CNTNAP4: variants seen among roughly 807,000 people sequenced by gnomAD.
The protein encoded by CNTNAP4 is contactin associated protein family member 4.
CNTNAP4 carries 98 observed loss-of-function variants against 148.4 expected under a neutral mutation model. That is an observed-to-expected ratio of 0.66 (90% confidence interval 0.56 to 0.78). The LOEUF is 0.78. Among genes scored for constraint, CNTNAP4 ranks in the 30% least tolerant of loss-of-function variants. The pLI is 0.00. For synonymous variants in CNTNAP4, 730 were observed against 565.1 expected, an observed-to-expected ratio of 1.29 and a Z score of -4.14; for missense variants, 1,935 against 1,565.6, an observed-to-expected ratio of 1.24 and a Z score of -3.98.
intron 3 of CNTNAP4, among the ~76,000 whole-genome samples, chr16:76,400,798 C>G (rs1396165759): frequency 6.6e-6 from 1 of 152,094 alleles, no homozygotes; most frequent in Non-Finnish European, 1.5e-5. Flanking sequence ...AATAAGGGGT[C>G]CTTTCCACGT....
chr16:76,518,872 G>T (rs2083352134), intron 15 of CNTNAP4, among the ~76,000 whole-genome samples: 1 of 151,860 alleles, frequency 6.6e-6, no homozygotes, highest in African/African-American at 2.4e-5. Context: ...CCTGCCTCTG[G>T]TTACTATCAT....
intron 14 of CNTNAP4, among the ~76,000 whole-genome samples, chr16:76,496,107 G>GTGTGTGTGTATGTGTGTA (rs1555576715): frequency 6.6e-6 from 1 of 151,084 alleles, no homozygotes; most frequent in Admixed American, 6.6e-5. Flanking sequence ...GTGTGTGTGT[G>GTGTGTGTGTATGTGTGTA]CGTGTATTTC....
chr16:76,503,124 C>T lies in CNTNAP4; in HGVS notation c.2365+4430C>T, dbSNP rs2082715498. Among the ~76,000 whole-genome samples the T allele has an allele frequency of 2.0e-5, 3 of 152,284 alleles. No individual in the cohort carries two copies. In the South Asian group the frequency reaches 6.2e-4, roughly 32 times the overall value. ...AGAACTTCCTCCATGGCATAAAGGA[C>T]ATCTGTGAAAATCTGATAGCTAATG... On this transcript the variant is annotated intron_variant, in intron 15 of 23. Coordinates refer to ENST00000611870, the MANE Select transcript of CNTNAP4 (RefSeq NM_033401.5).
chr16:76,502,068 C>T (rs76391604), intron 15 of CNTNAP4, among the ~76,000 whole-genome samples: 2 of 134,906 alleles, frequency 1.5e-5, no homozygotes, highest in African/African-American at 2.8e-5. Flanking sequence ...GACTCCGTCT[C>T]AAAAAAAAAA....
intron 3 of CNTNAP4, among the ~76,000 whole-genome samples, chr16:76,373,431 C>A (rs578253791): frequency 6.6e-6 from 1 of 152,290 alleles, no homozygotes; most frequent in East Asian, 1.9e-4. Flanking sequence ...AGTCATACCT[C>A]TAAATTGGCC....
At chr16:76,426,370 C>T (rs546679033) in intron 3 of CNTNAP4, among the ~76,000 whole-genome samples, 18 of 152,124 alleles carry the variant, frequency 1.2e-4, no homozygotes, top group African/African-American at 4.3e-4. Context: ...TTTGTTGACC[C>T]AGTCATAGGC....
At chr16:76,484,602 G>A (rs1255480754) in intron 12 of CNTNAP4, among the ~76,000 whole-genome samples, 1 of 152,082 alleles carries the variant, frequency 6.6e-6, no homozygotes, top group African/African-American at 2.4e-5. Flanking sequence ...AGTGTAGGAG[G>A]TATAGCTTGA....
At chr16:76,491,056 A>T (rs1568382115) in intron 13 of CNTNAP4, among the ~76,000 whole-genome samples, 1 of 152,094 alleles carries the variant, frequency 6.6e-6, no homozygotes, top group Non-Finnish European at 1.5e-5. Context: ...ATTTCCGATT[A>T]AGTCTCTCTC....
intron 3 of CNTNAP4, among the ~76,000 whole-genome samples, chr16:76,426,539 A>C (rs951394739): frequency 8.5e-5 from 13 of 152,234 alleles, no homozygotes; most frequent in African/African-American, 2.4e-4. Flanking sequence ...TGACTTCTCC[A>C]CCTGTAGTCT....
chr16:76,295,674 G>A (rs1006736255), intron 1 of CNTNAP4, among the ~76,000 whole-genome samples: 6 of 152,090 alleles, frequency 3.9e-5, no homozygotes, highest in Admixed American at 6.5e-5. Flanking sequence ...CATGGCTGTC[G>A]GAAAGTAGTG....
In CNTNAP4 at chr16:76,506,615, C is replaced by T. The variant is rs1451446359; in HGVS notation, c.2365+7921C>T. On this transcript the variant is annotated intron_variant, in intron 15 of 23. Transcript: ENST00000611870. ...CCTCCCAAGTAGCTCGGATTACAGG[C>T]GTGTGCCACCAGGACCAGTTAATTT... Among the ~76,000 whole-genome samples the T allele has an allele frequency of 6.6e-5, 6 of 91,594 alleles. 1 individual carries two copies. Among genetic ancestry groups the T allele is most frequent in the Admixed American group, 2.2e-4 (2 of 8,962 alleles). 60.1% of individuals were successfully genotyped at this position (91,594 alleles called of 152,430 possible).
chr16:76,365,646 C>G (rs375631326), intron 3 of CNTNAP4, among the ~76,000 whole-genome samples: 28 of 149,478 alleles, frequency 1.9e-4, no homozygotes, highest in African/African-American at 4.9e-4. Flanking sequence ...CAGCTACTTG[C>G]GAGGCTGAGG....
At position 76,506,527 on chromosome 16, in the gene CNTNAP4, C is replaced by CTGGAATG. The variant is rs1206793313; in HGVS notation, c.2365+7834_2365+7840dup. ...ACAGAATTGCCCTCTGTTGCCCCGGCTGGAATGCAGTTGGCTCATTGCAAA... is the reference window on the plus strand; with the variant it reads ...ACAGAATTGCCCTCTGTTGCCCCGGCTGGAATGTGGAATGCAGTTGGCTCATTGCAAA... On this transcript the variant is annotated intron_variant, in intron 15 of 23. Transcript: ENST00000611870. Among the ~76,000 whole-genome samples, 29 of 70,508 alleles carry CTGGAATG rather than the reference C, an allele frequency of 4.1e-4. 1 individual carries two copies. Among genetic ancestry groups the CTGGAATG allele is most frequent in the African/African-American group, 8.6e-4 (28 of 32,410 alleles). The allele number at this position is 70,508 out of a possible 152,430, so 46.3% of individuals were successfully genotyped here. A position where few individuals can be genotyped will look rare whatever the true frequency, so the allele number is the denominator to read the frequency against.
At chr16:76,375,764 C>G (rs1204055613) in intron 3 of CNTNAP4, among the ~76,000 whole-genome samples, 1 of 152,138 alleles carries the variant, frequency 6.6e-6, no homozygotes, top group East Asian at 1.9e-4. Flanking sequence ...AATAGTGAGC[C>G]TCCTTCTGTT....
intron 13 of CNTNAP4, among the ~76,000 whole-genome samples, chr16:76,490,458 T>G (rs545060828): frequency 1.3e-5 from 2 of 152,136 alleles, no homozygotes; most frequent in South Asian, 4.1e-4. Context: ...GTTTTGGTCT[T>G]TCTTTAGGGC....
chr16:76,355,074 A>AC (rs1185910612), intron 2 of CNTNAP4, among the ~76,000 whole-genome samples: 1 of 152,092 alleles, frequency 6.6e-6, no homozygotes, highest in African/African-American at 2.4e-5. Context: ...ATTCAGCAAG[A>AC]CCCCTAGTTC....
chr16:76,549,604 G>A (rs757256760), intron 21 of CNTNAP4, among the ~76,000 whole-genome samples: 10 of 152,020 alleles, frequency 6.6e-5, no homozygotes, highest in African/African-American at 2.4e-4. Flanking sequence ...ATGAGGCTTA[G>A]TAAGAGTACT....
intron 23 of CNTNAP4, 60 bp from the exon 24 acceptor site, chr16:76,558,430 A>G (rs2085284592): frequency 1.1e-6 from 1 of 944,284 alleles, no homozygotes; most frequent in Non-Finnish European, 1.7e-6. Flanking sequence ...TAAGCAATGA[A>G]GTCAGCACAG....
At chr16:76,302,944 T>A (rs1960132753) in intron 1 of CNTNAP4, among the ~76,000 whole-genome samples, 1 of 152,118 alleles carries the variant, frequency 6.6e-6, no homozygotes, top group Admixed American at 6.6e-5. Context: ...GGGTCCCTGG[T>A]AGGGGGTGTA....
Sources: allele counts gnomAD v4.1 joint callset (sites outside exome capture counted in the v4.1 genomes callset), GRCh38; gene constraint gnomAD v4.1.1; transcripts MANE v1.5; gene names NCBI Gene and HGNC (gene_info 2026-07-23, HGNC 2026-07-21).